The following AAK1 variants were observed in gnomAD, a reference collection of about 807,000 sequenced individuals.
The protein encoded by AAK1 is AP2-associated protein kinase 1.
A neutral mutation model predicts 116.0 loss-of-function variants in AAK1; 37 were observed. The ratio of observed to expected loss-of-function variants is 0.32; its 90% CI spans 0.25 to 0.42. The LOEUF (loss-of-function observed/expected upper bound fraction) is 0.42. AAK1 is among the 10% of genes least tolerant of loss of function. The pLI is 1.00. For synonymous variants in AAK1, 458 were observed against 439.9 expected (o/e 1.04, Z -0.51); for missense variants, 919 against 1,170.6 (o/e 0.79, Z 3.14).
At chr2:69,625,026 A>G (rs994990054) in intron 2 of AAK1, among the ~76,000 whole-genome samples, 1 of 152,234 alleles carries the variant, frequency 6.6e-6, no homozygotes, top group Non-Finnish European at 1.5e-5. Context: ...CATTTCATTA[A>G]CAGTAAGTGT....
chr2:69,466,657 T>C lies in AAK1; in HGVS notation c.*9212A>G. The C allele has an allele frequency of 1.9e-6, 2 of 1,080,002 alleles. No individual in the cohort carries two copies. The highest frequency in any genetic ancestry group is 2.3e-6 in the Non-Finnish European group (2 of 884,496). 66.9% of individuals were successfully genotyped at this position (1,080,002 alleles called of 1,614,324 possible). On this transcript the variant is annotated 3_prime_UTR_variant, in exon 22 of 22. Coordinates refer to ENST00000409085, the MANE Select transcript of AAK1 (RefSeq NM_014911.5). ...AAACATTGTGGGACCAAATAATAGA[T>C]GTTGAAAATGCAACAGGAAAAACAT...
chr2:69,470,247 G>T lies in AAK1; in HGVS notation c.*5622C>A, dbSNP rs996103833. ...CAAAAACAGAAAACGAAGACTTGGA[G>T]CATTGAGAAGAAGCCTTCTCACATA... On this transcript the variant is annotated 3_prime_UTR_variant, in exon 22 of 22. Transcript: ENST00000409085. 7.1e-6 allele frequency: 7 copies of T among 985,332 alleles called. No individual in the cohort carries two copies. The highest frequency in any genetic ancestry group is 7.2e-6 in the Non-Finnish European group (6 of 829,950). The allele number at this position is 985,332 out of a possible 1,614,324, so 61.0% of individuals were successfully genotyped here.
At chr2:69,528,924 A>G (rs1197926592) in intron 8 of AAK1, among the ~76,000 whole-genome samples, 2 of 152,112 alleles carry the variant, frequency 1.3e-5, no homozygotes, top group Non-Finnish European at 2.9e-5. Context: ...TAACATGGAC[A>G]TAATGCTTTA....
chr2:69,465,298 G>T lies in AAK1; in HGVS notation c.*10571C>A. 2.3e-6 allele frequency: 2 copies of T among 869,144 alleles called. No homozygotes were observed. The highest frequency in any genetic ancestry group is 3.1e-6 in the Non-Finnish European group (2 of 652,146). The allele number at this position is 869,144 out of a possible 1,614,324, so 53.8% of individuals were successfully genotyped here. A position where few individuals can be genotyped will look rare whatever the true frequency, so the allele number is the denominator to read the frequency against. On this transcript the variant is annotated 3_prime_UTR_variant, in exon 22 of 22. Coordinates refer to ENST00000409085, the MANE Select transcript of AAK1 (RefSeq NM_014911.5). Reference sequence around the variant, plus strand: ...TGAGTTTGTTGACTCAAGAAATTCTGCTCTGACGCAGGGAATTGAAATATA... The same window carrying T: ...TGAGTTTGTTGACTCAAGAAATTCTTCTCTGACGCAGGGAATTGAAATATA...
intron 2 of AAK1, among the ~76,000 whole-genome samples, chr2:69,567,725 C>A (rs1242501515): frequency 6.6e-6 from 1 of 152,164 alleles, no homozygotes; most frequent in African/African-American, 2.4e-5. Context: ...CCTGGCACAA[C>A]TGAGCAGTGT....
At chr2:69,537,557 TCA>T (rs1670528461) in intron 5 of AAK1, among the ~76,000 whole-genome samples, 1 of 152,198 alleles carries the variant, frequency 6.6e-6, no homozygotes, top group Non-Finnish European at 1.5e-5. Flanking sequence ...GAAATCCTGC[TCA>T]CAGAGAAGCA....
intron 10 of AAK1, among the ~76,000 whole-genome samples, chr2:69,522,752 C>G (rs1212800013): frequency 6.7e-6 from 1 of 150,210 alleles, no homozygotes; most frequent in Non-Finnish European, 1.5e-5. Flanking sequence ...TGCAGTGAGC[C>G]AAGATCACGC....
chr2:69,474,798 A>G lies in AAK1; in HGVS notation c.*1071T>C. ...TGTAGGATTGTTGTGTAGTTATACA[A>G]GGGAAAGAAATCAAAACCCTGTACA... On this transcript the variant is annotated 3_prime_UTR_variant, in exon 22 of 22. Transcript: ENST00000409085. 1 of 985,878 alleles carries G rather than the reference A, an allele frequency of 1.0e-6. No individual in the cohort carries two copies. Among genetic ancestry groups the G allele is most frequent in the Non-Finnish European group, 1.2e-6 (1 of 829,916 alleles). 61.1% of individuals were successfully genotyped at this position (985,878 alleles called of 1,614,324 possible).
At position 69,586,828 on chromosome 2, in the gene AAK1, A is replaced by G. The variant is rs1300831972; in HGVS notation, c.164-29850T>C. Among the ~76,000 whole-genome samples the G allele has an allele frequency of 3.9e-5, 6 of 152,224 alleles. No individual in the cohort carries two copies. In the East Asian group the frequency reaches 1.2e-3, roughly 29 times the overall value. ...TAAAAAGATAATTCTCCAGTTTCCC[A>G]GCTGGAACATACTGAGATTCAAAAT... On this transcript the variant is annotated intron_variant, in intron 2 of 21. Transcript: ENST00000409085.
At chr2:69,521,394 A>G (rs1203759614) in intron 10 of AAK1, among the ~76,000 whole-genome samples, 3 of 152,254 alleles carry the variant, frequency 2.0e-5, no homozygotes, top group Non-Finnish European at 4.4e-5. Context: ...TTTGAGGCAC[A>G]TGGTTTTCAG....
intron 13 of AAK1, among the ~76,000 whole-genome samples, chr2:69,512,340 T>C (rs1417395023): frequency 1.3e-5 from 2 of 152,244 alleles, no homozygotes; most frequent in Admixed American, 6.5e-5. Context: ...TTAAGTCTCT[T>C]TTCAAGTGTA....
chr2:69,570,189 T>TC (rs1312319119), intron 2 of AAK1, among the ~76,000 whole-genome samples: 2 of 151,978 alleles, frequency 1.3e-5, no homozygotes, highest in South Asian at 2.1e-4. Context: ...TCACCTCTGC[T>TC]CCTCCCAACC....
At chr2:69,480,713 G>A (rs895430605) in intron 19 of AAK1, 147 bp downstream of exon 19, 11 of 578,234 alleles carry the variant, frequency 1.9e-5, no homozygotes, top group Non-Finnish European at 3.0e-5. Flanking sequence ...TCTAGAAGCC[G>A]GGGCTGTGAC....
At position 69,519,034 on chromosome 2, in the gene AAK1, G is replaced by A; in HGVS notation, c.1417C>T (p.Gln473Ter). The A allele has an allele frequency of 6.4e-7, 1 of 1,550,524 alleles. No individual in the cohort carries two copies. The highest frequency in any genetic ancestry group is 8.7e-7 in the Non-Finnish European group (1 of 1,146,536). ...HQQQLFLKQQ[Q>*]QQQQPPPAQQ... ...GCTGGCGGTGGCTGTTGCTGCTGCTGTTGCTGCTTGAGGAAGAGTTGCTGC... is the reference window on the plus strand; with the variant it reads ...GCTGGCGGTGGCTGTTGCTGCTGCTATTGCTGCTTGAGGAAGAGTTGCTGC... Residue 473 changes from glutamine (Q) to a stop codon, truncating the protein, a stop_gained, in exon 12 of 22, where the codon CAG becomes TAG. Coordinates refer to ENST00000409085, the MANE Select transcript of AAK1 (RefSeq NM_014911.5). LOFTEE classifies it high-confidence loss of function.
Position 69,467,852 on chromosome 2 carries a change from G to T in AAK1, c.*8017C>A, listed in dbSNP as rs1178653482. 14 of 985,298 alleles carry T rather than the reference G, an allele frequency of 1.4e-5. No individual in the cohort carries two copies. The highest frequency in any genetic ancestry group is 1.7e-5 in the African/African-American group (1 of 57,242). The allele number at this position is 985,298 out of a possible 1,614,324, so 61.0% of individuals were successfully genotyped here. ...GACATTACATTGTAAAGAGAATGTAGAGAGAGGTCTGAACATTTTATAAGA... is the reference window on the plus strand; with the variant it reads ...GACATTACATTGTAAAGAGAATGTATAGAGAGGTCTGAACATTTTATAAGA... On this transcript the variant is annotated 3_prime_UTR_variant, in exon 22 of 22. Coordinates refer to ENST00000409085, the MANE Select transcript of AAK1 (RefSeq NM_014911.5).
chr2:69,587,249 T>TAATTTTTG, intron 2 of AAK1, among the ~76,000 whole-genome samples: 1 of 151,032 alleles, frequency 6.6e-6, no homozygotes, highest in South Asian at 2.1e-4. Context: ...CATGCTCAGC[T>TAATTTTTG]TATATATATA....
rs1674665380 is a variant in AAK1, at chr2:69,471,185, CA to C, written c.*4683del. On this transcript the variant is annotated 3_prime_UTR_variant, in exon 22 of 22. Coordinates refer to ENST00000409085, the MANE Select transcript of AAK1 (RefSeq NM_014911.5). ...GGAAAAGAGTAAATTCAGGTCACTA[CA>C]TCAAAGTGTGAACCAAGAACGTGTC... 1 of 985,358 alleles carries C rather than the reference CA, an allele frequency of 1.0e-6. No individual in the cohort carries two copies. Among genetic ancestry groups the C allele is most frequent in the African/African-American group, 1.7e-5 (1 of 57,230 alleles). 61.0% of individuals were successfully genotyped at this position (985,358 alleles called of 1,614,324 possible).
chr2:69,633,849 G>A (rs1675324554), intron 2 of AAK1, among the ~76,000 whole-genome samples: 1 of 152,122 alleles, frequency 6.6e-6, no homozygotes, highest in African/African-American at 2.4e-5. Flanking sequence ...GATTCAGCTG[G>A]GAAGGGTTGG....
chr2:69,566,778 T>C lies in AAK1; in HGVS notation c.164-9800A>G, dbSNP rs147471639. Among the ~76,000 whole-genome samples the C allele has an allele frequency of 3.7e-4, 56 of 152,228 alleles. 1 individual carries two copies. The East Asian group carries it at 9.8e-3, about 27-fold the overall frequency. ...GGAAGAGTTTAAGAAATCAAGTTGG[T>C]TCACATATACCAGAGACTTTTTGAT... On this transcript the variant is annotated intron_variant, in intron 2 of 21. Coordinates refer to ENST00000409085, the MANE Select transcript of AAK1 (RefSeq NM_014911.5).
Sources: allele counts gnomAD v4.1 joint callset (sites outside exome capture counted in the v4.1 genomes callset), GRCh38; gene constraint gnomAD v4.1.1; transcripts MANE v1.5; gene names NCBI Gene and HGNC (gene_info 2026-07-23, HGNC 2026-07-21).